The following ITGA1 variants were observed in gnomAD, a reference collection of about 807,000 sequenced individuals.
ITGA1 encodes integrin subunit alpha 1, also known as integrin alpha-1.
A neutral mutation model predicts 145.9 loss-of-function variants in ITGA1; 85 were observed. That is an observed-to-expected ratio of 0.58 (90% CI 0.49 to 0.70). The LOEUF is 0.70. ITGA1 is among the 30% of genes least tolerant of loss of function. ITGA1 has a pLI of 0.00. For synonymous variants in ITGA1, 520 were observed against 495.3 expected (o/e 1.05, Z -0.66); for missense variants, 1,351 against 1,418.7 (o/e 0.95, Z 0.77).
rs1037424894 is a variant in ITGA1, at chr5:52,894,686, G to T, written c.1090+846G>T. ...CCTTAGGCTACATCCAAATCCAGTT[G>T]ACCCTGTCCTTGTGAGGACACACTG... On this transcript the variant is annotated intron_variant, in intron 9 of 28. Coordinates refer to ENST00000282588, the MANE Select transcript of ITGA1 (RefSeq NM_181501.2). 2.6e-5 allele frequency among the ~76,000 whole-genome samples: 4 copies of T among 152,160 alleles called. 1 individual carries two copies. Among genetic ancestry groups the T allele is most frequent in the African/African-American group, 9.6e-5 (4 of 41,516 alleles).
At chr5:52,950,688 G>T (rs1186833072) in intron 28 of ITGA1, among the ~76,000 whole-genome samples, 3 of 152,152 alleles carry the variant, frequency 2.0e-5, no homozygotes. Context: ...CATGTTAATT[G>T]GTTGGGTGGA....
chr5:52,833,020 C>T (rs1372632535), intron 1 of ITGA1, among the ~76,000 whole-genome samples: 1 of 151,616 alleles, frequency 6.6e-6, no homozygotes, highest in African/African-American at 2.4e-5. Context: ...GGTGAAAACC[C>T]ATCTCTACTA....
At chr5:52,908,814 C>T in intron 12 of ITGA1, 84 bp from the exon 13 acceptor site, 2 of 1,477,304 alleles carry the variant, frequency 1.4e-6, no homozygotes, top group East Asian at 2.3e-5. Context: ...TTCTAGATTG[C>T]TAGAAGTAAA....
intron 17 of ITGA1, among the ~76,000 whole-genome samples, chr5:52,920,916 C>A (rs1271076949): frequency 6.6e-6 from 1 of 151,860 alleles, no homozygotes; most frequent in Non-Finnish European, 1.5e-5. Context: ...ACATATCTCG[C>A]CGTTTGATTT....
At chr5:52,937,916 G>A (rs562981660) in intron 24 of ITGA1, among the ~76,000 whole-genome samples, 1 of 151,666 alleles carries the variant, frequency 6.6e-6, no homozygotes, top group Non-Finnish European at 1.5e-5. Flanking sequence ...GTCTTCACCT[G>A]GCCTTCTCTG....
intron 12 of ITGA1, among the ~76,000 whole-genome samples, chr5:52,908,058 A>G (rs1750439187): frequency 6.6e-6 from 1 of 152,136 alleles, no homozygotes; most frequent in African/African-American, 2.4e-5. Context: ...AGGGTAAGAG[A>G]ATGGAAAAAG....
chr5:52,843,735 C>A (rs1161819547), intron 1 of ITGA1, among the ~76,000 whole-genome samples: 5 of 151,794 alleles, frequency 3.3e-5, no homozygotes, highest in African/African-American at 9.7e-5. Context: ...TTAATCAGAC[C>A]AACTCAATAG....
At chr5:52,814,254 C>G (rs1748729819) in intron 1 of ITGA1, among the ~76,000 whole-genome samples, 1 of 152,200 alleles carries the variant, frequency 6.6e-6, no homozygotes, top group African/African-American at 2.4e-5. Flanking sequence ...TCAAGCGATT[C>G]TTGTTCCTTA....
chr5:52,801,928 A>G (rs944107060), intron 1 of ITGA1: 1 of 1,030,380 alleles, frequency 9.7e-7, no homozygotes. Context: ...AAGCTGCAAG[A>G]ATGGCACTTT....
intron 1 of ITGA1, chr5:52,800,302 C>G (rs1312783170): frequency 1.4e-6 from 2 of 1,429,508 alleles, no homozygotes; most frequent in East Asian, 2.3e-5. Context: ...GGCCCCGCCC[C>G]CTTCCTGGCC....
At chr5:52,849,091 C>A (rs549823185) in intron 1 of ITGA1, among the ~76,000 whole-genome samples, 3 of 151,536 alleles carry the variant, frequency 2.0e-5, no homozygotes, top group African/African-American at 7.3e-5. Context: ...GCATATATAC[C>A]CAGTAATGGG....
chr5:52,874,494 T>C (rs1749834946), intron 6 of ITGA1, among the ~76,000 whole-genome samples: 1 of 152,194 alleles, frequency 6.6e-6, no homozygotes, highest in African/African-American at 2.4e-5. Flanking sequence ...TTAAGATAGT[T>C]GTTAAAATCT....
At chr5:52,840,983 G>A (rs1749246390) in intron 1 of ITGA1, among the ~76,000 whole-genome samples, 2 of 152,248 alleles carry the variant, frequency 1.3e-5, no homozygotes, top group South Asian at 4.1e-4. Context: ...TGTAATAACT[G>A]GAGACCCACA....
Position 52,788,310 on chromosome 5 carries a change from C to A in ITGA1, c.-44C>A. On this transcript the variant is annotated 5_prime_UTR_variant, in exon 1 of 29. Transcript: ENST00000282588. ...GCGCAGCTCCCGCGCCCGGTCCTGCCCTGCGAACCAGCGCGGCCCCCTGGC... is the reference window on the plus strand; with the variant it reads ...GCGCAGCTCCCGCGCCCGGTCCTGCACTGCGAACCAGCGCGGCCCCCTGGC... The A allele has an allele frequency of 6.8e-7, 1 of 1,464,256 alleles. No individual in the cohort carries two copies. The highest frequency in any genetic ancestry group is 1.3e-5 in the South Asian group (1 of 77,498). The allele number at this position is 1,464,256 out of a possible 1,614,324, so 90.7% of individuals were successfully genotyped here.
rs1751286623 is a variant in ITGA1 at position 52,955,309 on chromosome 5, G to T, written c.*2858G>T. On this transcript the variant is annotated 3_prime_UTR_variant, in exon 29 of 29. Transcript: ENST00000282588. ...CACCTCTTACCAACCAGTGTGAGCT[G>T]ACTTCAGCACACCACTGAGACAGAT... 1 of 151,932 alleles carries T rather than the reference G, an allele frequency of 6.6e-6. No individual in the cohort carries two copies. The highest frequency in any genetic ancestry group is 1.5e-5 in the Non-Finnish European group (1 of 68,002). The allele number at this position is 151,932 out of a possible 1,614,324, so 9.4% of individuals were successfully genotyped here.
At chr5:52,843,271 T>A (rs1378984125) in intron 1 of ITGA1, among the ~76,000 whole-genome samples, 4 of 152,184 alleles carry the variant, frequency 2.6e-5, no homozygotes, top group Admixed American at 2.0e-4. Context: ...AAAATAATGT[T>A]AATTCTATGA....
In ITGA1 at chr5:52,932,134, C is replaced by G; in HGVS notation, c.2859C>G (p.Tyr953Ter). 3 of 1,572,580 alleles carry G rather than the reference C, an allele frequency of 1.9e-6. No homozygotes were observed. The highest frequency in any genetic ancestry group is 2.6e-6 in the Non-Finnish European group (3 of 1,143,224). The change falls in exon 22 of 29, where the codon TAC becomes TAG. Residue 953 changes from tyrosine (Y) to a stop codon, truncating the protein, a stop_gained and splice_region_variant. Coordinates refer to ENST00000282588, the MANE Select transcript of ITGA1 (RefSeq NM_181501.2). LOFTEE classifies it high-confidence loss of function. The stretch of plus-strand genomic sequence containing the variant: ...AATATGAAGTTGGACTACAGTTTTA[C>G]AGGTAGGAGAAAACTACATTTTTAT... Reference protein sequence around the residue: ...PVKYEVGLQFYSSASEYHISI... With the variant: ...PVKYEVGLQF
chr5:52,939,444 C>A (rs1751020582), intron 24 of ITGA1, 146 bp from the exon 25 acceptor site: 1 of 611,246 alleles, frequency 1.6e-6, no homozygotes, highest in South Asian at 2.1e-5. Flanking sequence ...TGCATAACAA[C>A]CTTTCCCATA....
intron 1 of ITGA1, among the ~76,000 whole-genome samples, chr5:52,826,110 T>C (rs964470847): frequency 6.6e-6 from 1 of 152,118 alleles, no homozygotes; most frequent in East Asian, 1.9e-4. Flanking sequence ...AGCTGAGTCA[T>C]GAATGTAAAG....
Sources: allele counts gnomAD v4.1 joint callset (sites outside exome capture counted in the v4.1 genomes callset), GRCh38; gene constraint gnomAD v4.1.1; transcripts MANE v1.5; gene names NCBI Gene and HGNC (gene_info 2026-07-23, HGNC 2026-07-21).